Variants in CSGALNACT1 observed in about 807,000 individuals in gnomAD.
CSGALNACT1 encodes the protein beta4GalNAcT-1.
A neutral mutation model predicts 51.0 loss-of-function variants in CSGALNACT1; 52 were observed. That is an observed-to-expected ratio of 1.02 (90% CI 0.82 to 1.29). CSGALNACT1 has a LOEUF of 1.29. Ranked by LOEUF, CSGALNACT1 falls within the 50% of genes most tolerant of loss-of-function variation. CSGALNACT1 has a pLI of 0.00. For synonymous variants in CSGALNACT1, 341 were observed against 254.4 expected, an observed-to-expected ratio of 1.34 and a Z score of -3.24; for missense variants, 935 against 679.2, an observed-to-expected ratio of 1.38 and a Z score of -4.19.
intron 3 of CSGALNACT1, among the ~76,000 whole-genome samples, chr8:19,534,710 C>A (rs1369293462): frequency 6.6e-6 from 1 of 152,152 alleles, no homozygotes; most frequent in Non-Finnish European, 1.5e-5. Context: ...GTGACCTAAA[C>A]TCTCTCACAC....
At position 19,739,215 on chromosome 8, in the gene CSGALNACT1, G is replaced by A. The variant is rs528615460; in HGVS notation, c.-297+18635C>T. Among the ~76,000 whole-genome samples, 216 of 151,844 alleles carry A rather than the reference G, an allele frequency of 1.4e-3. 1 individual carries two copies. Among genetic ancestry groups the A allele is most frequent in the African/African-American group, 4.9e-3 (201 of 41,374 alleles). On this transcript the variant is annotated intron_variant, in intron 1 of 1. Transcript: ENST00000517494. ...ATTTTCTGGCCACTTGTAGGTAACAGAAAGTCCTAAAGTTACTTTTAAGTC... is the reference window on the plus strand; with the variant it reads ...ATTTTCTGGCCACTTGTAGGTAACAAAAAGTCCTAAAGTTACTTTTAAGTC...
chr8:19,554,487 A>G (rs554390106), intron 3 of CSGALNACT1, among the ~76,000 whole-genome samples: 1 of 66,910 alleles, frequency 1.5e-5, no homozygotes, highest in South Asian at 4.1e-4. Flanking sequence ...AAATAGAAAT[A>G]TACTATTAAG....
chr8:19,564,109 A>G (rs1357243456), intron 3 of CSGALNACT1, among the ~76,000 whole-genome samples: 2 of 152,226 alleles, frequency 1.3e-5, no homozygotes, highest in African/African-American at 4.8e-5. Flanking sequence ...ACTTCAGTTA[A>G]AACGCTTCTT....
chr8:19,651,388 A>G (rs768797032), intron 1 of CSGALNACT1, among the ~76,000 whole-genome samples: 2 of 152,148 alleles, frequency 1.3e-5, no homozygotes, highest in East Asian at 1.9e-4. Flanking sequence ...CTCGCACCCA[A>G]TAGTTTTTTT....
intron 6 of CSGALNACT1, among the ~76,000 whole-genome samples, chr8:19,433,700 C>G (rs1238741943): frequency 6.6e-6 from 1 of 152,214 alleles, no homozygotes; most frequent in African/African-American, 2.4e-5. Flanking sequence ...TGTTTTAAAG[C>G]AAGCTTGTCC....
At chr8:19,713,632 C>T (rs4922091) in intron 1 of CSGALNACT1, among the ~76,000 whole-genome samples, 1 of 151,890 alleles carries the variant, frequency 6.6e-6, no homozygotes, top group African/African-American at 2.4e-5. Flanking sequence ...AAGGCAGACA[C>T]TGGACTGCTG....
At chr8:19,698,697 T>C (rs554062699) in intron 1 of CSGALNACT1, among the ~76,000 whole-genome samples, 104 of 152,298 alleles carry the variant, frequency 6.8e-4, no homozygotes, top group African/African-American at 2.5e-3. Flanking sequence ...TGTGGAGAAA[T>C]TGGAATTCTT....
intron 4 of CSGALNACT1, among the ~76,000 whole-genome samples, chr8:19,474,335 G>C (rs1015872143): frequency 6.6e-6 from 1 of 152,000 alleles, no homozygotes; most frequent in Non-Finnish European, 1.5e-5. Context: ...AAGAAAGTTG[G>C]AAACTATTAT....
chr8:19,750,219 T>A (rs1329917231), intron 1 of CSGALNACT1, among the ~76,000 whole-genome samples: 5 of 152,206 alleles, frequency 3.3e-5, no homozygotes, highest in African/African-American at 1.2e-4. Context: ...TCTCTTGGGC[T>A]CCAAGCTGCC....
At chr8:19,692,801 A>C (rs1589546824) in intron 1 of CSGALNACT1, among the ~76,000 whole-genome samples, 1 of 152,338 alleles carries the variant, frequency 6.6e-6, no homozygotes, top group East Asian at 1.9e-4. Flanking sequence ...AATCTAAAAA[A>C]AGAGTGCCTA....
At chr8:19,634,460 C>G (rs1435003298) in intron 1 of CSGALNACT1, among the ~76,000 whole-genome samples, 2 of 152,102 alleles carry the variant, frequency 1.3e-5, no homozygotes, top group Admixed American at 6.6e-5. Context: ...CAAAGAGTTC[C>G]AGACCAGCCT....
rs749887635 is a variant in CSGALNACT1, at chr8:19,505,150, A to G, written c.634+51T>C. On this transcript the variant is annotated intron_variant, in intron 4 of 9. Coordinates refer to ENST00000454498, the Ensembl canonical transcript of CSGALNACT1. ...AGCTGGAACCTGCCTGGGTGCCAGG[A>G]ACCCCCAATTCCTTTTCTTCTCCTT... 1.9e-5 allele frequency: 30 copies of G among 1,608,662 alleles called. No homozygotes were observed. The Middle Eastern group carries it at 5.2e-4, about 28-fold the overall frequency.
chr8:19,513,926 G>A (rs997221414), intron 3 of CSGALNACT1, among the ~76,000 whole-genome samples: 1 of 152,094 alleles, frequency 6.6e-6, no homozygotes, highest in Non-Finnish European at 1.5e-5. Flanking sequence ...TACTTTCAAA[G>A]AAGCCAAAAT....
intron 1 of CSGALNACT1, among the ~76,000 whole-genome samples, chr8:19,740,337 C>T (rs901346783): frequency 2.0e-5 from 3 of 152,242 alleles, no homozygotes; most frequent in Non-Finnish European, 2.9e-5. Context: ...TCCCAAGGGA[C>T]ACAGAGTCTG....
chr8:19,570,603 A>G (rs554800528), intron 3 of CSGALNACT1, among the ~76,000 whole-genome samples: 98 of 152,260 alleles, frequency 6.4e-4, no homozygotes, highest in Middle Eastern at 3.4e-3. Context: ...GGGTTGTTCT[A>G]ATTTAAGACA....
intron 4 of CSGALNACT1, among the ~76,000 whole-genome samples, chr8:19,475,621 G>A (rs530519506): frequency 5.9e-5 from 9 of 152,230 alleles, no homozygotes; most frequent in South Asian, 2.1e-4. Flanking sequence ...GACACACAAC[G>A]AGTAAGTAAA....
chr8:19,603,393 G>A (rs1364057218), upstream of CSGALNACT1, among the ~76,000 whole-genome samples: 4 of 152,328 alleles, frequency 2.6e-5, no homozygotes, highest in East Asian at 3.9e-4. Flanking sequence ...GAGGGTTGCC[G>A]ACTGCCTAGG....
At chr8:19,648,226 A>C (rs2057452774) in intron 1 of CSGALNACT1, among the ~76,000 whole-genome samples, 1 of 152,200 alleles carries the variant, frequency 6.6e-6, no homozygotes, top group Admixed American at 6.5e-5. Flanking sequence ...ATCTGTTCCA[A>C]AGAATCTAGC....
At chr8:19,741,564 A>AAC (rs1563195191) in intron 1 of CSGALNACT1, among the ~76,000 whole-genome samples, 1 of 150,714 alleles carries the variant, frequency 6.6e-6, no homozygotes, top group East Asian at 1.9e-4. Context: ...CTCCATCAAA[A>AAC]AAAAAAAAAA....
Sources: gnomAD v4.1 joint callset for allele counts (sites outside exome capture counted in the v4.1 genomes callset) on GRCh38, gnomAD v4.1.1 for gene constraint, MANE v1.5 for transcripts, NCBI Gene and HGNC (gene_info 2026-07-23, HGNC 2026-07-21) for gene names.